The following CIITA variants were observed in gnomAD, a reference collection of about 807,000 sequenced individuals.
CIITA encodes class II major histocompatibility complex transactivator, also known as MHC class II transactivator.
A neutral mutation model predicts 115.1 loss-of-function variants in CIITA; 72 were observed. The observed-to-expected ratio is 0.63, with a 90% CI of 0.52 to 0.76. The LOEUF (loss-of-function observed/expected upper bound fraction) is 0.76. CIITA is among the 30% of genes least tolerant of loss of function. The pLI, the probability that CIITA is intolerant of heterozygous loss-of-function variation, is 0.00. For synonymous variants in CIITA, 763 were observed against 635.6 expected (o/e 1.20, Z -3.02); for missense variants, 1,617 against 1,463.8 (o/e 1.10, Z -1.71).
chr16:10,928,162 C>T lies in CIITA; in HGVS notation c.*4307C>T, dbSNP rs2040611447. ...CCTGTACTCTCCCACACCTCAGTCT[C>T]CTCGCCTGTAGAAAGGGGTCAATCG... is the stretch of plus-strand genomic sequence containing the variant. On this transcript the variant is annotated 3_prime_UTR_variant, in exon 20 of 20. Coordinates refer to ENST00000324288, the MANE Select transcript of CIITA (RefSeq NM_000246.4). 1 of 152,254 alleles carries T rather than the reference C, an allele frequency of 6.6e-6. No homozygotes were observed. The highest frequency in any genetic ancestry group is 1.5e-5 in the Non-Finnish European group (1 of 68,074). The allele number at this position is 152,254 out of a possible 1,614,324, so 9.4% of individuals were successfully genotyped here. A position where few individuals can be genotyped will look rare whatever the true frequency, so the allele number is the denominator to read the frequency against.
chr16:10,881,249 G>A (rs543693909), intron 1 of CIITA, among the ~76,000 whole-genome samples: 9 of 152,064 alleles, frequency 5.9e-5, no homozygotes, highest in Admixed American at 5.9e-4. Flanking sequence ...CGAGAGCTGA[G>A]ATTGCACCAC....
At chr16:10,922,814 A>C in intron 18 of CIITA, 1 of 517,766 alleles carries the variant, frequency 1.9e-6, no homozygotes, top group South Asian at 2.2e-5. Context: ...TTGACCTGTA[A>C]AATTGGCAAT....
chr16:10,867,335 T>A (rs984255343), intron 1 of CIITA, among the ~76,000 whole-genome samples: 1 of 135,302 alleles, frequency 7.4e-6, no homozygotes, highest in Non-Finnish European at 1.7e-5. Context: ...GGGGGGGGCA[T>A]GTGTGCGTTT....
intron 1 of CIITA, among the ~76,000 whole-genome samples, chr16:10,889,522 T>C (rs2037324777): frequency 6.6e-6 from 1 of 151,156 alleles, no homozygotes; most frequent in African/African-American, 2.5e-5. Context: ...TGTTTTTTGT[T>C]TTTTGTTTTT....
chr16:10,881,146 G>T (rs982219644), intron 1 of CIITA, among the ~76,000 whole-genome samples: 1 of 152,042 alleles, frequency 6.6e-6, no homozygotes, highest in African/African-American at 2.4e-5. Flanking sequence ...GGGCATGGTG[G>T]TGCACACCTG....
intron 1 of CIITA, among the ~76,000 whole-genome samples, chr16:10,892,736 C>G (rs1290171130): frequency 6.6e-6 from 1 of 152,148 alleles, no homozygotes; most frequent in Non-Finnish European, 1.5e-5. Context: ...AGTTCAAGAC[C>G]AGCGTGGCCA....
At chr16:10,914,097 T>C (rs544799367) in intron 13 of CIITA, among the ~76,000 whole-genome samples, 2 of 152,236 alleles carry the variant, frequency 1.3e-5, no homozygotes, top group Admixed American at 6.5e-5. Flanking sequence ...TCTTCCCCCC[T>C]GGAATGTCAG....
chr16:10,910,221 G>A lies in CIITA; in HGVS notation c.2850G>A (p.Glu950=). 1 of 1,614,062 alleles carries A rather than the reference G, an allele frequency of 6.2e-7. No homozygotes were observed. The highest frequency in any genetic ancestry group is 8.5e-7 in the Non-Finnish European group (1 of 1,179,960). ...TRSSSEDTAG[E]LPAVRDLKKL... ...GTTCCTCGGAAGACACAGCTGGGGA[G>A]CTCCCTGCTGTTCGGGACCTAAAGA... The change falls in exon 13 of 20, where the codon GAG becomes GAA. Residue 950 remains glutamate (E), a synonymous_variant. Transcript: ENST00000324288.
intron 16 of CIITA, among the ~76,000 whole-genome samples, chr16:10,919,394 G>A (rs374279154): frequency 2.0e-5 from 3 of 152,070 alleles, no homozygotes; most frequent in Non-Finnish European, 2.9e-5. Context: ...ACAGGGTTTC[G>A]CCATGTTGGC....
chr16:10,872,517 A>C (rs2035558364), upstream of CIITA, among the ~76,000 whole-genome samples: 2 of 152,192 alleles, frequency 1.3e-5, no homozygotes, highest in Non-Finnish European at 2.9e-5. Context: ...ATGTCTACTT[A>C]TCAGTTAATC....
Position 10,906,607 on chromosome 16 carries a change from G to A in CIITA, c.1115G>A (p.Arg372Lys). 1 of 1,613,860 alleles carries A rather than the reference G, an allele frequency of 6.2e-7. No homozygotes were observed. Among genetic ancestry groups the A allele is most frequent in the South Asian group, 1.1e-5 (1 of 91,070 alleles). Residue 372 changes from arginine (R) to lysine (K), a missense_variant, in exon 11 of 20, where the codon AGG becomes AAG. Transcript: ENST00000324288. ...EVDLVQARLE[R>K]SSSKSLEREL... is the part of the protein sequence containing the mutation. ...GATCTGGTGCAGGCCAGGCTGGAGA[G>A]GAGCAGCAGCAAGAGCCTGGAGCGG...
intron 4 of CIITA, 88 bp from the exon 5 acceptor site, chr16:10,898,837 G>C: frequency 6.3e-7 from 1 of 1,593,952 alleles, no homozygotes; most frequent in Non-Finnish European, 8.6e-7. Context: ...TGGGCAGTCA[G>C]ACCCCTCTCC....
upstream of CIITA, chr16:10,877,119 G>T (rs931722730): frequency 1.6e-6 from 1 of 632,542 alleles, no homozygotes. Context: ...GGGCCACCTT[G>T]CAGGGAGAGT....
At chr16:10,870,769 G>T (rs1422766958) in intron 1 of CIITA, among the ~76,000 whole-genome samples, 2 of 152,246 alleles carry the variant, frequency 1.3e-5, no homozygotes, top group Non-Finnish European at 2.9e-5. Flanking sequence ...AGGGTTAAAT[G>T]AGATGGTAGG....
intron 3 of CIITA, among the ~76,000 whole-genome samples, chr16:10,896,085 C>A (rs1054519025): frequency 4.6e-5 from 7 of 152,102 alleles, no homozygotes; most frequent in African/African-American, 1.7e-4. Context: ...ATACCATACA[C>A]CCCTTTCCCT....
upstream of CIITA, among the ~76,000 whole-genome samples, chr16:10,876,972 G>A (rs529686787): frequency 6.6e-6 from 1 of 152,210 alleles, no homozygotes; most frequent in South Asian, 2.1e-4. Context: ...TCCCCCAACA[G>A]ACTTTCTGTG....
intron 1 of CIITA, among the ~76,000 whole-genome samples, chr16:10,878,786 G>T (rs1041023560): frequency 1.3e-5 from 2 of 152,250 alleles, no homozygotes; most frequent in African/African-American, 4.8e-5. Context: ...CCGACTGGAG[G>T]CAGGGACCTC....
intron 1 of CIITA, among the ~76,000 whole-genome samples, chr16:10,871,065 T>C (rs749215458): frequency 1.6e-4 from 24 of 152,242 alleles, no homozygotes; most frequent in Non-Finnish European, 3.2e-4. Context: ...TCAGACAGCC[T>C]GAGTGCCTGT....
At chr16:10,903,370 G>A (rs1304750219) in intron 8 of CIITA, among the ~76,000 whole-genome samples, 1 of 152,140 alleles carries the variant, frequency 6.6e-6, no homozygotes, top group Non-Finnish European at 1.5e-5. Context: ...ATCCATTCCT[G>A]GTTGCAAGAC....
Sources: gnomAD v4.1 joint callset for allele counts (sites outside exome capture counted in the v4.1 genomes callset) on GRCh38, gnomAD v4.1.1 for gene constraint, MANE v1.5 for transcripts, NCBI Gene and HGNC (gene_info 2026-07-23, HGNC 2026-07-21) for gene names.